TMED10: variants seen among roughly 807,000 people sequenced by gnomAD.
The protein encoded by TMED10 is transmembrane p24 trafficking protein 10.
TMED10 carries 7 observed loss-of-function variants against 23.1 expected under a neutral mutation model. The ratio of observed to expected loss-of-function variants is 0.30; its 90% CI spans 0.17 to 0.57. The LOEUF is 0.57. TMED10 is among the 20% of genes least tolerant of loss of function. The pLI, the probability that TMED10 is intolerant of heterozygous loss-of-function variation, is 0.91. For synonymous variants in TMED10, 113 were observed against 106.9 expected (o/e 1.06, Z -0.35); for missense variants, 162 against 274.8 (o/e 0.59, Z 2.90).
intron 3 of TMED10, among the ~76,000 whole-genome samples, chr14:75,146,614 T>G (rs567819842): frequency 3.9e-4 from 60 of 152,314 alleles, no homozygotes; most frequent in Non-Finnish European, 6.8e-4. Context: ...CCTTTTGTGC[T>G]GCCCCCAAGT....
chr14:75,144,634 T>C (rs560383784), intron 3 of TMED10, among the ~76,000 whole-genome samples: 42 of 151,992 alleles, frequency 2.8e-4, no homozygotes, highest in Non-Finnish European at 5.3e-4. Flanking sequence ...GGGAGAGATG[T>C]GTTGGACATG....
chr14:75,147,257 C>T (rs1395981360), intron 3 of TMED10, among the ~76,000 whole-genome samples: 9 of 146,630 alleles, frequency 6.1e-5, no homozygotes, highest in Non-Finnish European at 1.2e-4. Context: ...GGCACGATCT[C>T]GGCTCACTGC....
chr14:75,164,842 A>G (rs538403589), intron 1 of TMED10, among the ~76,000 whole-genome samples: 2 of 150,804 alleles, frequency 1.3e-5, no homozygotes, highest in East Asian at 3.9e-4. Flanking sequence ...AAACAGAGAG[A>G]AAGGGGTAGT....
chr14:75,135,849 T>C lies in TMED10; in HGVS notation c.449A>G (p.Glu150Gly). 2.5e-6 allele frequency: 4 copies of C among 1,614,146 alleles called. No individual in the cohort carries two copies. The highest frequency in any genetic ancestry group is 3.4e-6 in the Non-Finnish European group (4 of 1,180,010). ...TGAAAGGTCTTCTAGGCGTCGCAGC[T>C]CTACCTCTAATGGTTTGAGCTTCTC... ...KVEKLKPLEV[E>G]LRRLEDLSES... The change falls in exon 4 of 5, where the codon GAG becomes GGG. Residue 150 changes from glutamate (E) to glycine (G), a missense_variant. Physicochemically the swap from Glu to Gly is moderately conservative, Grantham distance 98 (BLOSUM62 -2). Transcript: ENST00000303575.
intron 1 of TMED10, among the ~76,000 whole-genome samples, chr14:75,163,210 T>C (rs1456854282): frequency 6.6e-6 from 1 of 151,798 alleles, no homozygotes; most frequent in Non-Finnish European, 1.5e-5. Flanking sequence ...TCATTGCACT[T>C]CAGCCTGGGT....
chr14:75,147,778 A>C (rs200950304), intron 2 of TMED10, 41 bp from the exon 3 acceptor site: 224 of 1,606,962 alleles, frequency 1.4e-4, no homozygotes, highest in Middle Eastern at 8.5e-4. Flanking sequence ...GAAATACTTA[A>C]AATTCTGGGA....
intron 1 of TMED10, among the ~76,000 whole-genome samples, chr14:75,169,095 A>T (rs1367138014): frequency 6.6e-6 from 1 of 152,204 alleles, no homozygotes; most frequent in Non-Finnish European, 1.5e-5. Context: ...TGAGGCAAAG[A>T]CAGTGCTTGC....
chr14:75,134,820 C>T lies in TMED10; in HGVS notation c.*65G>A. 6.2e-7 allele frequency: 1 copy of T among 1,603,388 alleles called. No homozygotes were observed. The highest frequency in any genetic ancestry group is 8.5e-7 in the Non-Finnish European group (1 of 1,173,056). ...GTGCTGTTGGTAGGATGCCTTAGGC[C>T]AGGCACGTCCCAGCGATGTTCTGCT... is the stretch of plus-strand genomic sequence containing the variant. On this transcript the variant is annotated 3_prime_UTR_variant, in exon 5 of 5. Coordinates refer to ENST00000303575, the MANE Select transcript of TMED10 (RefSeq NM_006827.6).
At chr14:75,135,153 A>C (rs1895733229) in intron 4 of TMED10, 147 bp from the exon 5 acceptor site, 2 of 1,094,476 alleles carry the variant, frequency 1.8e-6, no homozygotes, top group Non-Finnish European at 2.6e-6. Context: ...TTTTCTTTTT[A>C]AGTTCATTAT....
At chr14:75,159,605 T>A (rs75463462) in intron 1 of TMED10, among the ~76,000 whole-genome samples, 1 of 152,246 alleles carries the variant, frequency 6.6e-6, no homozygotes. Context: ...AACTTTTTTT[T>A]ATTTTAACTT....
intron 1 of TMED10, among the ~76,000 whole-genome samples, chr14:75,164,552 TATATATATATATATATA>T (rs1896129209): frequency 2.1e-4 from 1 of 4,842 alleles, no homozygotes; most frequent in Non-Finnish European, 3.8e-4. Flanking sequence ...TATATATATA[TATATATATATATATATA>T]TATATATATT....
At chr14:75,142,780 A>T (rs1365576976) in intron 3 of TMED10, among the ~76,000 whole-genome samples, 1 of 152,188 alleles carries the variant, frequency 6.6e-6, no homozygotes, top group African/African-American at 2.4e-5. Flanking sequence ...CAACTTTCTC[A>T]AAGTAGCTAA....
At chr14:75,142,155 T>C (rs1334334693) in intron 3 of TMED10, among the ~76,000 whole-genome samples, 2 of 152,342 alleles carry the variant, frequency 1.3e-5, no homozygotes, top group Middle Eastern at 3.4e-3. Context: ...GAGGTATGTT[T>C]TGCCAAGTCT....
Position 75,134,795 on chromosome 14 carries a change from G to T in TMED10, c.*90C>A. On this transcript the variant is annotated 3_prime_UTR_variant, in exon 5 of 5. Transcript: ENST00000303575. ...AAGAAAGCTCCAACGTGCCTTGATG[G>T]TGCTGTTGGTAGGATGCCTTAGGCC... 6.4e-7 allele frequency: 1 copy of T among 1,564,810 alleles called. No homozygotes were observed. Among genetic ancestry groups the T allele is most frequent in the Non-Finnish European group, 8.7e-7 (1 of 1,143,396 alleles).
At position 75,132,200 on chromosome 14, in the gene TMED10, C is replaced by T. The variant is rs963137819; in HGVS notation, c.*2685G>A. 6.6e-6 allele frequency: 1 copy of T among 152,124 alleles called. No homozygotes were observed. The highest frequency in any genetic ancestry group is 1.5e-5 in the Non-Finnish European group (1 of 68,104). 9.4% of individuals were successfully genotyped at this position (152,124 alleles called of 1,614,324 possible). On this transcript the variant is annotated 3_prime_UTR_variant, in exon 5 of 5. Coordinates refer to ENST00000303575, the MANE Select transcript of TMED10 (RefSeq NM_006827.6). ...GTCAGGAGTTCGAGACCAACCTGGC[C>T]AATATGGTGAAACTCTGCTTCTACT...
In TMED10 at chr14:75,132,511, T is replaced by C. The variant is rs1895699716; in HGVS notation, c.*2374A>G. 1 of 151,880 alleles carries C rather than the reference T, an allele frequency of 6.6e-6. No homozygotes were observed. The highest frequency in any genetic ancestry group is 2.4e-5 in the African/African-American group (1 of 41,372). The allele number at this position is 151,880 out of a possible 1,614,324, so 9.4% of individuals were successfully genotyped here. ...ACAGATAGACTTTCTCAACATTTGC[T>C]GCCTATGCTAAGGATCTGCAGCCAG... On this transcript the variant is annotated 3_prime_UTR_variant, in exon 5 of 5. Coordinates refer to ENST00000303575, the MANE Select transcript of TMED10 (RefSeq NM_006827.6).
chr14:75,137,935 C>T (rs1365073249), intron 3 of TMED10, among the ~76,000 whole-genome samples: 1 of 152,034 alleles, frequency 6.6e-6, no homozygotes, highest in African/African-American at 2.4e-5. Flanking sequence ...TCTTGAACTC[C>T]TAACCTCAGG....
At position 75,133,994 on chromosome 14, in the gene TMED10, C is replaced by T. The variant is rs4322591; in HGVS notation, c.*891G>A. The T allele has an allele frequency of 0.47, 102,869 of 220,302 alleles. 25,384 individuals are homozygous for T. The highest frequency in any genetic ancestry group is 0.84 in the East Asian group (4,996 of 5,976). The allele number at this position is 220,302 out of a possible 1,614,324, so 13.6% of individuals were successfully genotyped here. On this transcript the variant is annotated 3_prime_UTR_variant, in exon 5 of 5. Transcript: ENST00000303575. Reference sequence around the variant, plus strand: ...ATGCTGAATGAAAAAAGATCAGCCTCGTAAGATTACATTCTGTATGATTCC... The same window carrying T: ...ATGCTGAATGAAAAAAGATCAGCCTTGTAAGATTACATTCTGTATGATTCC...
intron 3 of TMED10, among the ~76,000 whole-genome samples, chr14:75,145,977 T>A (rs1222971978): frequency 6.6e-6 from 1 of 152,218 alleles, no homozygotes; most frequent in Non-Finnish European, 1.5e-5. Context: ...TTCTCCCTAG[T>A]GTTTTATATC....
Sources: allele counts gnomAD v4.1 joint callset (sites outside exome capture counted in the v4.1 genomes callset), GRCh38; gene constraint gnomAD v4.1.1; transcripts MANE v1.5; gene names NCBI Gene and HGNC (gene_info 2026-07-23, HGNC 2026-07-21).